The following NRXN1 variants were observed in gnomAD, a reference collection of about 807,000 sequenced individuals.
NRXN1 encodes neurexin 1.
Under a neutral mutation model 150.9 loss-of-function variants are expected in NRXN1, and 39 were observed. The ratio of observed to expected loss-of-function variants is 0.26; its 90% CI spans 0.20 to 0.34. The LOEUF (loss-of-function observed/expected upper bound fraction) is 0.34, where lower values mean the gene tolerates loss of function less well. NRXN1 is among the 10% of genes least tolerant of loss of function. NRXN1 has a pLI of 1.00. For missense variants in NRXN1, 1,815 were observed against 1,949.9 expected (o/e 0.93, Z 1.30); for synonymous variants, 924 against 757.0 (o/e 1.22, Z -3.62).
intron 18 of NRXN1, among the ~76,000 whole-genome samples, chr2:50,211,606 A>G (rs1270234177): frequency 6.6e-6 from 1 of 151,616 alleles, no homozygotes. Context: ...GAGTCTATAA[A>G]GCATTTCATA....
chr2:50,526,237 G>A lies in NRXN1; in HGVS notation c.2374+2388C>T, dbSNP rs1017742917. ...TTAGAGTTTAATATTAGTCTTTAAT[G>A]TAAGATAATCTTTTATGTTTTACTT... On this transcript the variant is annotated intron_variant, in intron 12 of 22. Transcript: ENST00000401669. Among the ~76,000 whole-genome samples the A allele has an allele frequency of 6.6e-5, 10 of 152,208 alleles. No homozygotes were observed. In the South Asian group the frequency reaches 8.3e-4, roughly 13 times the overall value.
At chr2:50,788,462 A>C (rs1372875824) in intron 5 of NRXN1, among the ~76,000 whole-genome samples, 1 of 152,060 alleles carries the variant, frequency 6.6e-6, no homozygotes, top group Non-Finnish European at 1.5e-5. Context: ...ATTCCACACA[A>C]AACTTGTTTC....
intron 2 of NRXN1, among the ~76,000 whole-genome samples, chr2:50,985,994 G>A (rs960776008): frequency 3.3e-5 from 5 of 151,600 alleles, no homozygotes; most frequent in African/African-American, 1.2e-4. Context: ...CAGAGAAAAT[G>A]AACAAAAGTG....
At chr2:49,962,980 T>G in intron 21 of NRXN1, among the ~76,000 whole-genome samples, 1 of 141,454 alleles carries the variant, frequency 7.1e-6, no homozygotes, top group East Asian at 2.1e-4. Flanking sequence ...AATAAATAAA[T>G]AAAATGAAAA....
chr2:50,223,231 G>C (rs1340233551), intron 18 of NRXN1, among the ~76,000 whole-genome samples: 1 of 151,932 alleles, frequency 6.6e-6, no homozygotes, highest in African/African-American at 2.4e-5. Context: ...AGTCTACTGA[G>C]AAGGACAAAG....
At chr2:50,688,297 A>G (rs1559125774) in intron 5 of NRXN1, among the ~76,000 whole-genome samples, 1 of 152,086 alleles carries the variant, frequency 6.6e-6, no homozygotes, top group Non-Finnish European at 1.5e-5. Context: ...ATACATCACC[A>G]CCACCTGTTG....
chr2:50,763,628 G>A (rs1245677925), intron 5 of NRXN1, among the ~76,000 whole-genome samples: 2 of 151,778 alleles, frequency 1.3e-5, no homozygotes, highest in African/African-American at 4.8e-5. Flanking sequence ...GCCAACTTGT[G>A]GAAGGTGAAA....
intron 12 of NRXN1, among the ~76,000 whole-genome samples, chr2:50,527,151 T>A (rs560502615): frequency 5.4e-4 from 82 of 152,242 alleles, no homozygotes; most frequent in African/African-American, 2.0e-3. Flanking sequence ...AAGGTAGAGG[T>A]CTAGAAAGGA....
At chr2:50,524,538 GT>G in intron 12 of NRXN1, among the ~76,000 whole-genome samples, 1 of 151,384 alleles carries the variant, frequency 6.6e-6, no homozygotes, top group Admixed American at 6.6e-5. Flanking sequence ...AATAAACGAA[GT>G]GTCCCTAAGC....
chr2:50,102,992 A>G (rs1203147896), intron 18 of NRXN1, among the ~76,000 whole-genome samples: 1 of 152,134 alleles, frequency 6.6e-6, no homozygotes, highest in African/African-American at 2.4e-5. Flanking sequence ...TAGATGGTGA[A>G]GCACATTTAA....
chr2:50,658,440 T>TGTGTGTGTGTC (rs1686823012), intron 5 of NRXN1, among the ~76,000 whole-genome samples: 2 of 23,314 alleles, frequency 8.6e-5, no homozygotes, highest in Admixed American at 9.1e-4. Flanking sequence ...GTGTGTGTGT[T>TGTGTGTGTGTC]TGAGGCAGGG....
chr2:50,498,553 G>A (rs776610623), intron 13 of NRXN1, among the ~76,000 whole-genome samples: 1 of 152,084 alleles, frequency 6.6e-6, no homozygotes, highest in Non-Finnish European at 1.5e-5. Flanking sequence ...TTTAGCAACT[G>A]ACTATTCCAC....
chr2:50,494,646 C>T (rs2091456718), intron 15 of NRXN1, among the ~76,000 whole-genome samples: 1 of 152,130 alleles, frequency 6.6e-6, no homozygotes, highest in African/African-American at 2.4e-5. Flanking sequence ...CAAATAAAGT[C>T]CCAGGATTCA....
chr2:50,251,299 G>A (rs2067049068), intron 17 of NRXN1, among the ~76,000 whole-genome samples: 1 of 152,042 alleles, frequency 6.6e-6, no homozygotes, highest in South Asian at 2.1e-4. Flanking sequence ...TTCTGTTCCT[G>A]CATTAGTTTG....
chr2:50,745,056 G>A (rs1699851968), intron 5 of NRXN1, among the ~76,000 whole-genome samples: 1 of 152,050 alleles, frequency 6.6e-6, no homozygotes, highest in African/African-American at 2.4e-5. Flanking sequence ...CACCATCATG[G>A]TTAATTAGGC....
chr2:50,275,138 C>T (rs1439394131), intron 17 of NRXN1, among the ~76,000 whole-genome samples: 2 of 152,134 alleles, frequency 1.3e-5, no homozygotes, highest in African/African-American at 4.8e-5. Flanking sequence ...TACTGGACTA[C>T]AATGTTATCT....
At chr2:50,378,648 T>G (rs1351099960) in intron 17 of NRXN1, among the ~76,000 whole-genome samples, 2 of 152,106 alleles carry the variant, frequency 1.3e-5, no homozygotes, top group African/African-American at 4.8e-5. Context: ...TTGTAATCAT[T>G]TAGGAGTATT....
At position 50,531,520 on chromosome 2, in the gene NRXN1, T is replaced by C. The variant is rs188845973; in HGVS notation, c.2144-90A>G. On this transcript the variant is annotated intron_variant, in intron 10 of 22. Transcript: ENST00000401669. ...AAAAGGATCATTTATTATCATTTAT[T>C]TAAGACTTCCAGAACACAATACTAC... is the stretch of plus-strand genomic sequence containing the variant. 130 of 928,328 alleles carry C rather than the reference T, an allele frequency of 1.4e-4. 2 individuals carry two copies. In the African/African-American group the frequency reaches 2.0e-3, roughly 14 times the overall value. The allele number at this position is 928,328 out of a possible 1,614,324, so 57.5% of individuals were successfully genotyped here. A position where few individuals can be genotyped will look rare whatever the true frequency, so the allele number is the denominator to read the frequency against.
rs1368515081 is a variant in NRXN1 at position 50,766,927 on chromosome 2, A to G, written c.833-143312T>C. 2.0e-5 allele frequency among the ~76,000 whole-genome samples: 3 copies of G among 152,120 alleles called. No homozygotes were observed. In the East Asian group the frequency reaches 5.8e-4, roughly 29 times the overall value. On this transcript the variant is annotated intron_variant, in intron 5 of 22. Transcript: ENST00000401669. ...GGAATAAACTAATAACTTTGTTCAT[A>G]CCAACCCATTTCAAATATGGGAAAA... is the stretch of plus-strand genomic sequence containing the variant.
Sources: allele counts gnomAD v4.1 joint callset (sites outside exome capture counted in the v4.1 genomes callset), GRCh38; gene constraint gnomAD v4.1.1; transcripts MANE v1.5; gene names NCBI Gene and HGNC (gene_info 2026-07-23, HGNC 2026-07-21).